Variants in LMNTD1 observed in about 807,000 individuals in gnomAD.
LMNTD1 encodes the protein lamin tail domain-containing protein 1.
A neutral mutation model predicts 50.9 loss-of-function variants in LMNTD1; 35 were observed. The observed-to-expected ratio is 0.69, with a 90% confidence interval of 0.53 to 0.91. LMNTD1 has a LOEUF of 0.91. Among genes scored for constraint, LMNTD1 ranks in the 40% least tolerant of loss-of-function variants. LMNTD1 has a pLI of 0.00. For missense variants in LMNTD1, 470 were observed against 475.5 expected, an observed-to-expected ratio of 0.99 and a Z score of 0.11; for synonymous variants, 153 against 161.9, an observed-to-expected ratio of 0.94 and a Z score of 0.42.
intron 1 of LMNTD1, among the ~76,000 whole-genome samples, chr12:25,612,520 C>T (rs1215659093): frequency 1.3e-5 from 2 of 152,140 alleles, no homozygotes; most frequent in Non-Finnish European, 2.9e-5. Context: ...GAAACCTTTG[C>T]TGAGTCACTC....
intron 1 of LMNTD1, among the ~76,000 whole-genome samples, chr12:25,588,917 T>C (rs1474996775): frequency 6.6e-6 from 1 of 152,184 alleles, no homozygotes; most frequent in Non-Finnish European, 1.5e-5. Flanking sequence ...GAAATTCAAA[T>C]TAAAATCACA....
intron 2 of LMNTD1, among the ~76,000 whole-genome samples, chr12:25,551,781 C>T (rs192582239): frequency 3.3e-5 from 5 of 152,312 alleles, no homozygotes; most frequent in Admixed American, 3.3e-4. Flanking sequence ...ATCACCTGAA[C>T]CTTCCACTTG....
chr12:25,509,189 C>T (rs1940065306), intron 8 of LMNTD1, among the ~76,000 whole-genome samples: 1 of 152,156 alleles, frequency 6.6e-6, no homozygotes, highest in Non-Finnish European at 1.5e-5. Flanking sequence ...CTCACTGCAA[C>T]CTCCGCCTCC....
intron 6 of LMNTD1, among the ~76,000 whole-genome samples, chr12:25,525,216 C>T (rs566741278): frequency 7.3e-5 from 11 of 151,664 alleles, no homozygotes; most frequent in East Asian, 3.9e-4. Flanking sequence ...AATATTATAC[C>T]GAGAGAAAGG....
At chr12:25,647,942 TTTCCTTCCTTCA>T (rs565881744) in intron 1 of LMNTD1, among the ~76,000 whole-genome samples, 84 of 152,328 alleles carry the variant, frequency 5.5e-4, no homozygotes, top group African/African-American at 2.0e-3. Flanking sequence ...TTTCTCTTCC[TTTCCTTCCTTCA>T]TTCCTTCCTT....
At chr12:25,605,742 A>G (rs1424347223) in intron 1 of LMNTD1, among the ~76,000 whole-genome samples, 3 of 152,134 alleles carry the variant, frequency 2.0e-5, no homozygotes, top group South Asian at 2.1e-4. Flanking sequence ...TTTGGTTACT[A>G]TAGCCTTGTA....
intron 1 of LMNTD1, among the ~76,000 whole-genome samples, chr12:25,581,214 T>C (rs79845932): frequency 0.019 from 2,915 of 152,296 alleles, 68 homozygotes; most frequent in African/African-American, 0.059. Context: ...GCCAGAGTTA[T>C]ATACTAGGGA....
rs764557308 is a variant in LMNTD1 at position 25,546,567 on chromosome 12, C to T, written c.311-13G>A. ...AAGGGGCTGGCATCTTTCAAGTAGA[C>T]AGAAGAAAGAAGTAACCAGGAAAGA... On this transcript the variant is annotated splice_polypyrimidine_tract_variant and intron_variant, in intron 3 of 9. Coordinates refer to ENST00000458174, the MANE Select transcript of LMNTD1 (RefSeq NM_001145728.2). 1 of 1,483,608 alleles carries T rather than the reference C, an allele frequency of 6.7e-7. No individual in the cohort carries two copies. The highest frequency in any genetic ancestry group is 9.0e-7 in the Non-Finnish European group (1 of 1,109,740). 91.9% of individuals were successfully genotyped at this position (1,483,608 alleles called of 1,614,324 possible). A position where few individuals can be genotyped will look rare whatever the true frequency, so the allele number is the denominator to read the frequency against.
upstream of LMNTD1, among the ~76,000 whole-genome samples, chr12:25,554,900 C>A (rs1352503966): frequency 6.6e-6 from 1 of 151,878 alleles, no homozygotes; most frequent in African/African-American, 2.4e-5. Flanking sequence ...CCCGTCTCTA[C>A]TAAAAAAATA....
intron 1 of LMNTD1, among the ~76,000 whole-genome samples, chr12:25,559,603 T>C (rs1421963570): frequency 6.6e-6 from 1 of 152,206 alleles, no homozygotes; most frequent in African/African-American, 2.4e-5. Flanking sequence ...TAGTTCTAGA[T>C]CCTTGAGGAA....
chr12:25,610,916 A>G (rs1946226410), intron 1 of LMNTD1, among the ~76,000 whole-genome samples: 4 of 152,176 alleles, frequency 2.6e-5, no homozygotes, highest in Admixed American at 2.6e-4. Context: ...ACTGAAGGAA[A>G]ATTGGGAAGC....
chr12:25,625,813 A>T (rs1946576888), intron 1 of LMNTD1, among the ~76,000 whole-genome samples: 1 of 152,012 alleles, frequency 6.6e-6, no homozygotes, highest in South Asian at 2.1e-4. Context: ...TGGAGAGACA[A>T]CCCCAGAGCC....
At position 25,549,373 on chromosome 12, in the gene LMNTD1, G is replaced by A. The variant is rs1943622104; in HGVS notation, c.263C>T (p.Thr88Ile). 6 of 1,612,436 alleles carry A rather than the reference G, an allele frequency of 3.7e-6. No individual in the cohort carries two copies. In the South Asian group the frequency reaches 6.6e-5, roughly 18 times the overall value. The part of the protein sequence containing the change: ...RVTISTTGQL[T>I]SKATVGSCSR... Reference sequence around the variant, plus strand: ...ACAGCTACCTACAGTAGCTTTAGAAGTCAATTGTCCAGTTGTTGATATAGT... The same window carrying A: ...ACAGCTACCTACAGTAGCTTTAGAAATCAATTGTCCAGTTGTTGATATAGT... Residue 88 changes from threonine to isoleucine, a missense_variant, in exon 3 of 10, where the codon ACT becomes ATT. Thr to Ile is a moderately conservative substitution (Grantham distance 89). Transcript: ENST00000458174.
intron 9 of LMNTD1, among the ~76,000 whole-genome samples, chr12:25,502,591 C>T (rs1939452052): frequency 6.6e-6 from 1 of 152,200 alleles, no homozygotes; most frequent in South Asian, 2.1e-4. Context: ...TAAATAACCT[C>T]TTCAGACTGC....
At chr12:25,615,038 C>T (rs758691177) in intron 1 of LMNTD1, among the ~76,000 whole-genome samples, 11 of 152,042 alleles carry the variant, frequency 7.2e-5, no homozygotes, top group Non-Finnish European at 1.5e-4. Context: ...TCTGCATCAC[C>T]GTCACAATCT....
intron 9 of LMNTD1, among the ~76,000 whole-genome samples, chr12:25,479,093 C>T (rs1055258608): frequency 6.6e-6 from 1 of 152,044 alleles, no homozygotes; most frequent in Non-Finnish European, 1.5e-5. Context: ...TTTGATAGCT[C>T]GAGTCAATCA....
intron 6 of LMNTD1, 99 bp from the exon 7 acceptor site, chr12:25,520,174 A>G: frequency 9.0e-6 from 2 of 221,246 alleles, no homozygotes; most frequent in Non-Finnish European, 1.7e-5. Flanking sequence ...ATATATATAT[A>G]TAGTAAAATG....
intron 1 of LMNTD1, among the ~76,000 whole-genome samples, chr12:25,564,878 T>A (rs1401741074): frequency 6.6e-6 from 1 of 152,202 alleles, no homozygotes; most frequent in African/African-American, 2.4e-5. Context: ...TTATCTCTAA[T>A]AATATTTGCT....
At chr12:25,534,367 T>C (rs1942429864) in intron 4 of LMNTD1, among the ~76,000 whole-genome samples, 1 of 152,180 alleles carries the variant, frequency 6.6e-6, no homozygotes, top group Admixed American at 6.5e-5. Flanking sequence ...TTGATACTTG[T>C]CAACAAAGAA....
Sources: gnomAD v4.1 joint callset for allele counts (sites outside exome capture counted in the v4.1 genomes callset) on GRCh38, gnomAD v4.1.1 for gene constraint, MANE v1.5 for transcripts, NCBI Gene and HGNC (gene_info 2026-07-23, HGNC 2026-07-21) for gene names.